Variants in RASGRF2 observed in about 807,000 individuals in gnomAD.
The protein encoded by RASGRF2 is ras-specific guanine nucleotide-releasing factor 2.
Under a neutral mutation model 151.0 loss-of-function variants are expected in RASGRF2, and 76 were observed. The observed-to-expected ratio is 0.50, with a 90% CI of 0.42 to 0.61. RASGRF2 has a LOEUF of 0.61. RASGRF2 is among the 20% of genes least tolerant of loss of function. RASGRF2 has a pLI of 0.00. For synonymous variants in RASGRF2, 504 were observed against 566.5 expected (o/e 0.89, Z 1.57); for missense variants, 1,148 against 1,564.6 (o/e 0.73, Z 4.49).
chr5:80,978,337 C>G (rs1748193103), intron 1 of RASGRF2, among the ~76,000 whole-genome samples: 1 of 152,012 alleles, frequency 6.6e-6, no homozygotes, highest in African/African-American at 2.4e-5. Flanking sequence ...AAAGTAATGT[C>G]TATCATGTAA....
intron 1 of RASGRF2, among the ~76,000 whole-genome samples, chr5:81,021,220 G>A (rs62367399): frequency 0.13 from 19,759 of 152,216 alleles, 1,324 homozygotes; most frequent in African/African-American, 0.16. Context: ...AAGCAGATCT[G>A]ACAGCTCAGA....
At chr5:81,118,955 C>T (rs145198622) in intron 15 of RASGRF2, among the ~76,000 whole-genome samples, 3,136 of 152,292 alleles carry the variant, frequency 0.021, 62 homozygotes, top group Middle Eastern at 0.065. Flanking sequence ...TGAGACCTCA[C>T]CAGAATTGCC....
chr5:81,204,917 A>G (rs942915737), intron 19 of RASGRF2, among the ~76,000 whole-genome samples: 4 of 152,190 alleles, frequency 2.6e-5, no homozygotes, highest in Non-Finnish European at 5.9e-5. Flanking sequence ...TCCAAGGGAA[A>G]GATATTACCC....
chr5:81,092,933 G>C lies in RASGRF2; in HGVS notation c.1523G>C (p.Ser508Thr). Residue 508 changes from serine to threonine, a missense_variant, in exon 10 of 27, where the codon AGT becomes ACT. By Grantham distance (58) the Ser-to-Thr change is moderately conservative. Around this residue, in one of 5 missense-constraint regions of RASGRF2, gnomAD observed 646 missense variants for 807.4 expected, o/e 0.80. Coordinates refer to ENST00000265080, the MANE Select transcript of RASGRF2 (RefSeq NM_006909.3). ...FTKHFLICTR[S>T]SGGKLHLLKT... ...AAACACTTTTTAATATGTACAAGAA[G>C]TTCAGGAGGGAAGCTTCATCTGCTC... 2.5e-6 allele frequency: 4 copies of C among 1,612,722 alleles called. No individual in the cohort carries two copies. Among genetic ancestry groups the C allele is most frequent in the Non-Finnish European group, 3.4e-6 (4 of 1,179,070 alleles).
intron 18 of RASGRF2, among the ~76,000 whole-genome samples, chr5:81,181,154 G>A (rs1382213625): frequency 6.6e-6 from 1 of 152,192 alleles, no homozygotes; most frequent in East Asian, 1.9e-4. Flanking sequence ...ACTCCCATGG[G>A]TAGGTATTCC....
intron 5 of RASGRF2, among the ~76,000 whole-genome samples, chr5:81,073,992 C>A (rs1751863165): frequency 6.6e-6 from 1 of 150,930 alleles, no homozygotes; most frequent in Non-Finnish European, 1.5e-5. Context: ...ATTTGACCTA[C>A]ATTGTCTTAT....
At chr5:81,047,766 C>A (rs887736764) in intron 2 of RASGRF2, among the ~76,000 whole-genome samples, 5 of 152,214 alleles carry the variant, frequency 3.3e-5, no homozygotes, top group African/African-American at 1.2e-4. Context: ...GCCTTATTCT[C>A]TTTTCCAGTA....
chr5:81,217,260 C>G, intron 24 of RASGRF2, 96 bp from the exon 25 acceptor site: 3 of 1,486,536 alleles, frequency 2.0e-6, no homozygotes, highest in South Asian at 2.9e-5. Context: ...TCTTCAGTAC[C>G]AAAGGAGGAT....
chr5:80,978,793 A>G (rs1005915475), intron 1 of RASGRF2, among the ~76,000 whole-genome samples: 1 of 148,072 alleles, frequency 6.8e-6, no homozygotes, highest in Non-Finnish European at 1.5e-5. Flanking sequence ...ATCTCAAAAA[A>G]AGAAAAAAAA....
At position 81,018,113 on chromosome 5, in the gene RASGRF2, A is replaced by AAAAG. The variant is rs532836478; in HGVS notation, c.289-24744_289-24741dup. 7.3e-3 allele frequency among the ~76,000 whole-genome samples: 1,117 copies of AAAAG among 152,102 alleles called. 12 individuals are homozygous for AAAAG. The highest frequency in any genetic ancestry group is 0.025 in the African/African-American group (1,042 of 41,450). Reference sequence around the variant, plus strand: ...GACAGAGCGAGACTGTCTCAAAAAAAAAAGAAAGAAAGAAAGAAAGAAAAA... The same window carrying AAAAG: ...GACAGAGCGAGACTGTCTCAAAAAAAAAAGAAAGAAAGAAAGAAAGAAAGAAAAA... On this transcript the variant is annotated intron_variant, in intron 1 of 26. Transcript: ENST00000265080.
At chr5:81,087,639 A>G (rs1176897879) in intron 9 of RASGRF2, 1 of 496,550 alleles carries the variant, frequency 2.0e-6, no homozygotes. Context: ...CTGTTATTTC[A>G]AAATGCAAGA....
chr5:81,084,005 C>A (rs1414280198), intron 7 of RASGRF2, among the ~76,000 whole-genome samples: 1 of 152,218 alleles, frequency 6.6e-6, no homozygotes, highest in East Asian at 1.9e-4. Context: ...GGAGAGCTGA[C>A]CACTTCTCTG....
intron 3 of RASGRF2, 70 bp from the exon 4 acceptor site, chr5:81,070,420 CAG>C (rs1456188115): frequency 7.8e-7 from 1 of 1,277,284 alleles, no homozygotes; most frequent in South Asian, 1.2e-5. Context: ...CCTTTGTAGG[CAG>C]AGCTTCCTGT....
At chr5:81,196,241 G>A (rs577418482) in intron 18 of RASGRF2, among the ~76,000 whole-genome samples, 2 of 152,310 alleles carry the variant, frequency 1.3e-5, no homozygotes, top group African/African-American at 4.8e-5. Context: ...GGGCAATAGA[G>A]TGAAACTCTG....
At chr5:81,058,990 T>G (rs1373723729) in intron 2 of RASGRF2, among the ~76,000 whole-genome samples, 1 of 152,172 alleles carries the variant, frequency 6.6e-6, no homozygotes, top group Non-Finnish European at 1.5e-5. Context: ...TCTTTTTGCC[T>G]GGATTATTAT....
At chr5:81,073,090 G>T in intron 4 of RASGRF2, 109 bp from the exon 5 acceptor site, 1 of 1,315,732 alleles carries the variant, frequency 7.6e-7, no homozygotes, top group East Asian at 2.4e-5. Context: ...AATTTTAGAG[G>T]TTATCATGTT....
intron 1 of RASGRF2, among the ~76,000 whole-genome samples, chr5:80,973,784 C>T (rs551538861): frequency 6.6e-6 from 1 of 152,274 alleles, no homozygotes; most frequent in African/African-American, 2.4e-5. Flanking sequence ...ATTCAATGAT[C>T]AAAGTACCTT....
rs1440901780 is a variant in RASGRF2 at position 81,034,252 on chromosome 5, T to C, written c.289-8625T>C. Among the ~76,000 whole-genome samples, 9 of 152,176 alleles carry C rather than the reference T, an allele frequency of 5.9e-5. No homozygotes were observed. The South Asian group carries it at 8.3e-4, about 14-fold the overall frequency. ...TGCAAATCAAAACCACAATGAGATA[T>C]CATCTTACACCAGTTAGAATGGCAA... On this transcript the variant is annotated intron_variant, in intron 1 of 26. Transcript: ENST00000265080.
chr5:81,087,069 C>G, intron 9 of RASGRF2, 116 bp downstream of exon 9: 1 of 947,898 alleles, frequency 1.1e-6, no homozygotes, highest in Non-Finnish European at 1.7e-6. Context: ...CCGAAGGACC[C>G]CCCCACGGCC....
Sources: gnomAD v4.1 joint callset for allele counts (sites outside exome capture counted in the v4.1 genomes callset) on GRCh38, gnomAD v4.1.1 for gene constraint, gnomAD v4.1.1 regional missense constraint, MANE v1.5 for transcripts, NCBI Gene and HGNC (gene_info 2026-07-23, HGNC 2026-07-21) for gene names.